Variants in EDNRB observed in about 807,000 individuals in gnomAD.
EDNRB encodes Hirschsprung disease 2.
Under a neutral mutation model 46.4 loss-of-function variants are expected in EDNRB, and 18 were observed. The ratio of observed to expected loss-of-function variants is 0.39; its 90% CI spans 0.27 to 0.57. The LOEUF (loss-of-function observed/expected upper bound fraction) is 0.57. EDNRB is among the 20% of genes least tolerant of loss of function. EDNRB has a pLI of 0.61. For missense variants in EDNRB, 434 were observed against 537.5 expected (o/e 0.81, Z 1.90); for synonymous variants, 213 against 204.9 (o/e 1.04, Z -0.34).
chr13:77,974,717 C>T (rs1048582782), intron 1 of EDNRB, among the ~76,000 whole-genome samples: 1 of 152,038 alleles, frequency 6.6e-6, no homozygotes, highest in Non-Finnish European at 1.5e-5. Flanking sequence ...CATCTATGTA[C>T]GGGAACTGGT....
Position 77,905,169 on chromosome 13 carries a change from T to C in EDNRB, c.484-1562A>G, listed in dbSNP as rs532910280. On this transcript the variant is annotated intron_variant, in intron 1 of 6. Coordinates refer to ENST00000646607, the MANE Select transcript of EDNRB (RefSeq NM_001122659.3). ...AGGGTGCCAGGTCTCAGAAAGTCAT[T>C]GGTGTCAGGAAGATGACAGGGAGTG... 1.1e-4 allele frequency among the ~76,000 whole-genome samples: 16 copies of C among 151,894 alleles called. No individual in the cohort carries two copies. In the South Asian group the frequency reaches 3.3e-3, roughly 32 times the overall value.
chr13:77,951,324 C>T (rs773109676), intron 1 of EDNRB, among the ~76,000 whole-genome samples: 3 of 152,108 alleles, frequency 2.0e-5, no homozygotes, highest in Non-Finnish European at 4.4e-5. Context: ...AAAAGTCCCC[C>T]GATTACCATC....
rs1879923046 is a variant in EDNRB at position 77,918,354 on chromosome 13, C to T, written c.220G>A (p.Gly74Arg). 6.2e-7 allele frequency: 1 copy of T among 1,612,184 alleles called. No homozygotes were observed. The highest frequency in any genetic ancestry group is 8.5e-7 in the Non-Finnish European group (1 of 1,178,708). Residue 74 changes from glycine to arginine, a missense_variant, in exon 1 of 7, where the codon GGA (glycine) becomes AGA (arginine). By Grantham distance (125) the Gly-to-Arg change is moderately radical. Transcript: ENST00000646607. This position sits in a 1 kb window ranked among gnomAD's most constrained non-coding sequence, Gnocchi z 4.5. ...RSLAPAEVPKGDRTAGSPPRT... is the reference protein window; with the variant it reads ...RSLAPAEVPKRDRTAGSPPRT... ...GGCGGAGATCCTGCCGTCCTGTCTCCTTTAGGCACCTCCGCAGGTGCCAAC... is the reference window on the plus strand; with the variant it reads ...GGCGGAGATCCTGCCGTCCTGTCTCTTTTAGGCACCTCCGCAGGTGCCAAC...
intron 1 of EDNRB, among the ~76,000 whole-genome samples, chr13:77,971,583 G>GTTT (rs34484665): frequency 2.2e-5 from 3 of 137,462 alleles, no homozygotes; most frequent in Non-Finnish European, 3.2e-5. Flanking sequence ...GCCAACATGA[G>GTTT]TTTTTTTTTT....
chr13:77,945,887 A>AC (rs1238511419), intron 1 of EDNRB, among the ~76,000 whole-genome samples: 10 of 151,506 alleles, frequency 6.6e-5, no homozygotes, highest in Non-Finnish European at 1.0e-4. Context: ...AAAAAAAAAA[A>AC]AAAAAACAAA....
At chr13:77,959,332 C>T (rs1594397878) in intron 1 of EDNRB, among the ~76,000 whole-genome samples, 1 of 152,316 alleles carries the variant, frequency 6.6e-6, no homozygotes, top group Non-Finnish European at 1.5e-5. Context: ...AGGTTCCCCT[C>T]TGAGACGAAG....
At position 77,971,812 on chromosome 13, in the gene EDNRB, G is replaced by A. The variant is rs117864659; in HGVS notation, c.-52+3535C>T. On this transcript the variant is annotated intron_variant, in intron 1 of 7. Coordinates refer to the EDNRB transcript ENST00000646948. Reference sequence around the variant, plus strand: ...TCCATAGGGACTTCTCTCACTTTACGATGTCTTATTTTTTCTCCTTCTTGT... The same window carrying A: ...TCCATAGGGACTTCTCTCACTTTACAATGTCTTATTTTTTCTCCTTCTTGT... 5.9e-5 allele frequency among the ~76,000 whole-genome samples: 9 copies of A among 152,184 alleles called. No homozygotes were observed. The East Asian group carries it at 1.5e-3, about 26-fold the overall frequency.
rs1594355733 is a variant in EDNRB at position 77,899,673 on chromosome 13, T to C, written c.1194+186A>G. 4 of 559,126 alleles carry C rather than the reference T, an allele frequency of 7.2e-6. No individual in the cohort carries two copies. The East Asian group carries it at 1.3e-4, about 18-fold the overall frequency. The allele number at this position is 559,126 out of a possible 1,614,324, so 34.6% of individuals were successfully genotyped here. A position where few individuals can be genotyped will look rare whatever the true frequency, so the allele number is the denominator to read the frequency against. ...CAGTAGGGAGTGGCTGACTAGGATT[T>C]ATAGGAAAAAACAATTATAGTGATT... On this transcript the variant is annotated intron_variant, in intron 6 of 6. Transcript: ENST00000646607.
chr13:77,936,683 C>T (rs146030855), intron 1 of EDNRB, among the ~76,000 whole-genome samples: 2,211 of 152,290 alleles, frequency 0.015, 46 homozygotes, highest in East Asian at 0.024. Context: ...GTTGAACAGT[C>T]TGATTTTCAG....
intron 1 of EDNRB, among the ~76,000 whole-genome samples, chr13:77,904,259 C>T (rs1286791070): frequency 6.6e-6 from 1 of 151,990 alleles, no homozygotes; most frequent in East Asian, 1.9e-4. Flanking sequence ...ACTCAAATTT[C>T]ATCTTTTCAA....
Position 77,901,153 on chromosome 13 carries a change from A to G in EDNRB, c.856T>C (p.Leu286=). ...GTATAAAAAAATGCAGTGATGGCCA[A>G]TGGCAAGCAGAAATAGAAACTGAAT... ...WLFSFYFCLP[L]AITAFFYTLM... The change falls in exon 4 of 7, where the codon TTG becomes CTG. Residue 286 remains leucine (L), a synonymous_variant. Transcript: ENST00000646607. 1 of 1,611,488 alleles carries G rather than the reference A, an allele frequency of 6.2e-7. No individual in the cohort carries two copies.
chr13:77,918,538 C>T lies in EDNRB; in HGVS notation c.36G>A (p.Leu12=), dbSNP rs767140036. Residue 12 remains leucine, a synonymous_variant, in exon 1 of 7, where the codon CTG becomes CTA. Transcript: ENST00000646607. This position sits in a 1 kb window ranked among gnomAD's most constrained non-coding sequence, Gnocchi z 4.5. ...QPPPSLCGRA[L]VALVLACGLS... is the part of the protein sequence containing the mutation. ...GGCCGCAGGCAAGAACCAGCGCAAC[C>T]AGGGCGCGTCCGCACAGACTTGGAG... 6.3e-7 allele frequency: 1 copy of T among 1,595,326 alleles called. No homozygotes were observed. The highest frequency in any genetic ancestry group is 8.5e-7 in the Non-Finnish European group (1 of 1,173,560).
chr13:77,941,388 C>T (rs1356616399), intron 1 of EDNRB, among the ~76,000 whole-genome samples: 1 of 152,100 alleles, frequency 6.6e-6, no homozygotes, highest in East Asian at 1.9e-4. Flanking sequence ...TGTCTATTCT[C>T]TGTTCTGAGG....
At chr13:77,963,727 A>G (rs1419565064) in intron 1 of EDNRB, among the ~76,000 whole-genome samples, 2 of 152,226 alleles carry the variant, frequency 1.3e-5, no homozygotes, top group Non-Finnish European at 2.9e-5. Flanking sequence ...TTTCATGTCT[A>G]AAACACCAAA....
rs191983668 is a variant in EDNRB, at chr13:77,963,486, C to T, written c.-52+11861G>A. ...TACCATATATCTACAACAATCTGAT[C>T]TTTGATAAACCTGAGAAAAACAAGC... On this transcript the variant is annotated intron_variant, in intron 1 of 7. Coordinates refer to the EDNRB transcript ENST00000646948. Among the ~76,000 whole-genome samples the T allele has an allele frequency of 5.6e-3, 847 of 152,268 alleles. 5 individuals carry two copies. Among genetic ancestry groups the T allele is most frequent in the Non-Finnish European group, 8.2e-3 (557 of 68,022 alleles).
At chr13:77,938,502 C>G (rs781657479) in intron 1 of EDNRB, among the ~76,000 whole-genome samples, 1 of 151,810 alleles carries the variant, frequency 6.6e-6, no homozygotes, top group Non-Finnish European at 1.5e-5. Flanking sequence ...GGGGTTCTTA[C>G]CCCCCAGAAA....
chr13:77,949,094 TAAGA>T (rs1172373863), intron 1 of EDNRB, among the ~76,000 whole-genome samples: 1 of 152,224 alleles, frequency 6.6e-6, no homozygotes, highest in Admixed American at 6.5e-5. Context: ...ACTTCAGGAT[TAAGA>T]AAGATAAGTA....
upstream of EDNRB, among the ~76,000 whole-genome samples, chr13:77,920,260 A>G (rs917454852): frequency 6.6e-6 from 1 of 152,242 alleles, no homozygotes; most frequent in African/African-American, 2.4e-5. Context: ...TACCAGGTAG[A>G]GCAATACAAT....
chr13:77,962,659 G>C (rs965048056), intron 1 of EDNRB, among the ~76,000 whole-genome samples: 1 of 152,134 alleles, frequency 6.6e-6, no homozygotes, highest in East Asian at 1.9e-4. Flanking sequence ...CTCACAGCCA[G>C]TATCATACTG....
Sources: gnomAD v4.1 joint callset for allele counts (sites outside exome capture counted in the v4.1 genomes callset) on GRCh38, gnomAD v4.1.1 for gene constraint, Gnocchi (gnomAD v3.1) non-coding constraint, MANE v1.5 for transcripts, NCBI Gene and HGNC (gene_info 2026-07-23, HGNC 2026-07-21) for gene names.